Variants in AKT2 observed in about 807,000 individuals in gnomAD.
AKT2 encodes the protein AKT serine/threonine kinase 2.
A neutral mutation model predicts 58.6 loss-of-function variants in AKT2; 16 were observed. The ratio of observed to expected loss-of-function variants is 0.27; its 90% CI spans 0.18 to 0.41. The LOEUF is 0.41. Ranked by LOEUF, AKT2 falls within the 10% of genes least tolerant of loss-of-function variation. The pLI is 1.00. For missense variants in AKT2, 438 were observed against 661.0 expected, an observed-to-expected ratio of 0.66 and a Z score of 3.70; for synonymous variants, 253 against 254.0, an observed-to-expected ratio of 1.00 and a Z score of 0.04.
intron 1 of AKT2, among the ~76,000 whole-genome samples, chr19:40,277,085 C>T (rs910665812): frequency 3.9e-5 from 6 of 151,932 alleles, no homozygotes; most frequent in East Asian, 1.9e-4. Context: ...TCCTGGGGAC[C>T]CAATGAGATG....
intron 4 of AKT2, among the ~76,000 whole-genome samples, chr19:40,245,961 G>A (rs886067411): frequency 5.3e-5 from 8 of 152,086 alleles, no homozygotes; most frequent in East Asian, 3.9e-4. Context: ...CGGGCAGAGC[G>A]GTGTTGGCTT....
At position 40,233,695 on chromosome 19, in the gene AKT2, G is replaced by GGCAGGGGCT. The variant is rs548867671; in HGVS notation, c.*168_*176dup. 1,774 of 773,730 alleles carry GGCAGGGGCT rather than the reference G, an allele frequency of 2.3e-3. 23 individuals carry two copies. The African/African-American group carries it at 0.027, about 12-fold the overall frequency. The allele number at this position is 773,730 out of a possible 1,614,324, so 47.9% of individuals were successfully genotyped here. ...CACAAAGGTGAGGCTGGAGGCTGGA[G>GGCAGGGGCT]GCAGGGGCTGCAGGGGCCGCTGGGG... is the stretch of plus-strand genomic sequence containing the variant. On this transcript the variant is annotated 3_prime_UTR_variant, in exon 14 of 14. Coordinates refer to ENST00000392038, the MANE Select transcript of AKT2 (RefSeq NM_001626.6). This position sits in a 1 kb window ranked among gnomAD's most constrained non-coding sequence, Gnocchi z 4.3.
intron 1 of AKT2, chr19:40,273,749 T>C (rs1364790477): frequency 6.6e-6 from 1 of 152,198 alleles, no homozygotes; most frequent in Non-Finnish European, 1.5e-5. Context: ...ACAGAAATCA[T>C]GTCAAATATT....
rs1973808665 is a variant in AKT2, at chr19:40,233,275, A to T, written c.*597T>A. 1 of 342,292 alleles carries T rather than the reference A, an allele frequency of 2.9e-6. No homozygotes were observed. The highest frequency in any genetic ancestry group is 5.5e-6 in the Non-Finnish European group (1 of 180,700). 21.2% of individuals were successfully genotyped at this position (342,292 alleles called of 1,614,324 possible). On this transcript the variant is annotated 3_prime_UTR_variant, in exon 14 of 14. Coordinates refer to ENST00000392038, the MANE Select transcript of AKT2 (RefSeq NM_001626.6). This position sits in a 1 kb window ranked among gnomAD's most constrained non-coding sequence, Gnocchi z 4.3. ...CCCATGGTACAGATCCTAGGATCTG[A>T]CTCCATTCACCAGGGAGCAGCCCTA... is the stretch of plus-strand genomic sequence containing the variant.
chr19:40,283,257 G>C (rs980456550), intron 1 of AKT2: 4 of 152,266 alleles, frequency 2.6e-5, no homozygotes, highest in African/African-American at 9.7e-5. Context: ...TCTATATGAA[G>C]CATTCCAAAC....
intron 1 of AKT2, chr19:40,275,254 C>G (rs1041097535): frequency 4.4e-6 from 2 of 456,874 alleles, no homozygotes; most frequent in Middle Eastern, 3.3e-4. Context: ...CCAGCCCTTC[C>G]TTACCGCCCC....
chr19:40,258,264 C>CAAAAAAAAAAAAAAAAAAAAAAAAAA (rs1157851432), intron 2 of AKT2, among the ~76,000 whole-genome samples: 1 of 105,372 alleles, frequency 9.5e-6, no homozygotes. Context: ...AAAAAAAAAA[C>CAAAAAAAAAAAAAAAAAAAAAAAAAA]AAAAAAAAAA....
chr19:40,257,687 T>TA (rs1443288003), intron 2 of AKT2, among the ~76,000 whole-genome samples: 4 of 151,078 alleles, frequency 2.6e-5, no homozygotes, highest in African/African-American at 4.9e-5. Context: ...CACAAAAACT[T>TA]ACACACAAAT....
At chr19:40,280,072 G>A (rs2077396923) in intron 1 of AKT2, among the ~76,000 whole-genome samples, 1 of 152,146 alleles carries the variant, frequency 6.6e-6, no homozygotes, top group African/African-American at 2.4e-5. Flanking sequence ...AACCACACCT[G>A]AGCCCAACCA....
In AKT2 at chr19:40,234,069, A is replaced by G; in HGVS notation, c.1367-118T>C. On this transcript the variant is annotated intron_variant, in intron 13 of 13. Transcript: ENST00000392038. The surrounding 1 kb of genome is among the most constrained non-coding windows in gnomAD (Gnocchi z 4.7). ...GGGCTGCCCACAGGACAGGACAGGA[A>G]AGGCCCATCCCTCCGCAATGGAGGC... 9.8e-7 allele frequency: 1 copy of G among 1,022,488 alleles called. No individual in the cohort carries two copies. Among genetic ancestry groups the G allele is most frequent in the South Asian group, 1.5e-5 (1 of 65,722 alleles). The allele number at this position is 1,022,488 out of a possible 1,614,324, so 63.3% of individuals were successfully genotyped here.
chr19:40,248,517 A>G (rs1343956254), intron 4 of AKT2, among the ~76,000 whole-genome samples: 1 of 152,216 alleles, frequency 6.6e-6, no homozygotes, highest in East Asian at 1.9e-4. Flanking sequence ...GGACCTGAAC[A>G]ATGGCCATCC....
rs551162403 is a variant in AKT2 at position 40,238,571 on chromosome 19, T to C, written c.708+334A>G. Among the ~76,000 whole-genome samples, 12 of 152,260 alleles carry C rather than the reference T, an allele frequency of 7.9e-5. No individual in the cohort carries two copies. Among genetic ancestry groups the C allele is most frequent in the African/African-American group, 2.9e-4 (12 of 41,548 alleles). Reference sequence around the variant, plus strand: ...AGAGGACACGGGAACGGAGGGCTGCTAGGTTTTAACCCTTGGGGGCTTTCT... The same window carrying C: ...AGAGGACACGGGAACGGAGGGCTGCCAGGTTTTAACCCTTGGGGGCTTTCT... On this transcript the variant is annotated intron_variant, in intron 8 of 13. Coordinates refer to ENST00000392038, the MANE Select transcript of AKT2 (RefSeq NM_001626.6). This position sits in a 1 kb window ranked among gnomAD's most constrained non-coding sequence, Gnocchi z 5.1.
chr19:40,255,134 A>T, intron 4 of AKT2, 24 bp downstream of exon 4: 1 of 1,572,458 alleles, frequency 6.4e-7, no homozygotes, highest in Non-Finnish European at 8.8e-7. Flanking sequence ...TCTCAAGGGC[A>T]GCCACACAGA....
chr19:40,263,065 G>A (rs1976081213), intron 2 of AKT2, among the ~76,000 whole-genome samples: 1 of 152,234 alleles, frequency 6.6e-6, no homozygotes, highest in African/African-American at 2.4e-5. Flanking sequence ...AGGCAGGCCT[G>A]TGGCTGGGTC....
chr19:40,262,474 G>A (rs1976035250), intron 2 of AKT2, among the ~76,000 whole-genome samples: 1 of 152,222 alleles, frequency 6.6e-6, no homozygotes, highest in Non-Finnish European at 1.5e-5. Context: ...GCAGAGGGCA[G>A]GTGCTCTGCT....
In AKT2 at chr19:40,232,935, A is replaced by AC. The variant is rs1461479284; in HGVS notation, c.*936dup. On this transcript the variant is annotated 3_prime_UTR_variant, in exon 14 of 14. Transcript: ENST00000392038. ...ACCCCAATAGGTACCAGAGATGCCC[A>AC]CCCCCACCCCTCCCTGACCAAGTCC... 2 of 53,352 alleles carry AC rather than the reference A, an allele frequency of 3.7e-5. No homozygotes were observed. The highest frequency in any genetic ancestry group is 7.5e-5 in the Non-Finnish European group (2 of 26,842). The allele number at this position is 53,352 out of a possible 1,614,324, so 3.3% of individuals were successfully genotyped here.
At position 40,230,537 on chromosome 19, in the gene AKT2, G is replaced by A. The variant is rs1459274093; in HGVS notation, c.*3335C>T. 4.4e-6 allele frequency: 1 copy of A among 227,478 alleles called. No homozygotes were observed. Among genetic ancestry groups the A allele is most frequent in the East Asian group, 6.2e-5 (1 of 16,016 alleles). 14.1% of individuals were successfully genotyped at this position (227,478 alleles called of 1,614,324 possible). On this transcript the variant is annotated 3_prime_UTR_variant, in exon 14 of 14. Coordinates refer to ENST00000392038, the MANE Select transcript of AKT2 (RefSeq NM_001626.6). ...TCAGTGCACGAGGGCAGCCCCCAGA[G>A]GCTTCACATTAACTGGAAAAGATTA...
At chr19:40,282,822 C>A (rs1415128361) in intron 1 of AKT2, 1 of 279,146 alleles carries the variant, frequency 3.6e-6, no homozygotes, top group African/African-American at 2.3e-5. Context: ...AAGCACAGGG[C>A]TGGGCAGAGT....
In AKT2 at chr19:40,234,102, C is replaced by T. The variant is rs373032292; in HGVS notation, c.1367-151G>A. On this transcript the variant is annotated intron_variant, in intron 13 of 13. Transcript: ENST00000392038. The surrounding 1 kb of genome is among the most constrained non-coding windows in gnomAD (Gnocchi z 4.7). ...TCCCTCCGCAATGGAGGCCCTCAGC[C>T]ACGGACCCACTCCCCAAACCTGAGC... 32 of 786,616 alleles carry T rather than the reference C, an allele frequency of 4.1e-5. No homozygotes were observed. In the African/African-American group the frequency reaches 4.7e-4, roughly 12 times the overall value. The allele number at this position is 786,616 out of a possible 1,614,324, so 48.7% of individuals were successfully genotyped here.
Sources: allele counts gnomAD v4.1 joint callset (sites outside exome capture counted in the v4.1 genomes callset), GRCh38; gene constraint gnomAD v4.1.1; non-coding constraint Gnocchi (gnomAD v3.1); transcripts MANE v1.5; gene names NCBI Gene and HGNC (gene_info 2026-07-23, HGNC 2026-07-21).